Variants in NEK11 observed in about 807,000 individuals in gnomAD.
NEK11 encodes the protein serine/threonine-protein kinase Nek11.
Under a neutral mutation model 80.7 loss-of-function variants are expected in NEK11, and 72 were observed. The observed-to-expected ratio is 0.89, with a 90% confidence interval of 0.74 to 1.08. The LOEUF is 1.08. Among genes scored for constraint, NEK11 ranks in the 50% least tolerant of loss-of-function variants. The pLI is 0.00. For missense variants in NEK11, 764 were observed against 763.6 expected (o/e 1.00, Z -0.01); for synonymous variants, 251 against 260.7 (o/e 0.96, Z 0.36).
At chr3:131,108,976 T>C (rs1202987040) in intron 4 of NEK11, among the ~76,000 whole-genome samples, 1 of 152,102 alleles carries the variant, frequency 6.6e-6, no homozygotes, top group Non-Finnish European at 1.5e-5. Context: ...ATATCACTGA[T>C]TTGAATTTTA....
intron 17 of NEK11, among the ~76,000 whole-genome samples, chr3:131,286,665 T>G (rs150659461): frequency 1.4e-4 from 22 of 152,342 alleles, no homozygotes; most frequent in African/African-American, 5.3e-4. Flanking sequence ...TTTTGCCTAA[T>G]AGTTTTCAAA....
At chr3:131,349,216 C>A (rs2110601832) in intron 17 of NEK11, among the ~76,000 whole-genome samples, 1 of 152,192 alleles carries the variant, frequency 6.6e-6, no homozygotes, top group East Asian at 1.9e-4. Flanking sequence ...CATCTGATAT[C>A]TTATGTGTAT....
chr3:131,214,020 A>G (rs545601218), intron 14 of NEK11, among the ~76,000 whole-genome samples: 20 of 152,262 alleles, frequency 1.3e-4, no homozygotes, highest in South Asian at 8.3e-4. Context: ...AGGATACAAG[A>G]AGAGGACAGC....
chr3:131,346,077 A>G (rs924287780), intron 17 of NEK11, among the ~76,000 whole-genome samples: 2 of 152,176 alleles, frequency 1.3e-5, no homozygotes. Flanking sequence ...AAAGGATACA[A>G]AACAGTAGAT....
In NEK11 at chr3:131,228,518, A is replaced by T; in HGVS notation, c.1400-10A>T. 1 of 1,595,976 alleles carries T rather than the reference A, an allele frequency of 6.3e-7. No individual in the cohort carries two copies. Among genetic ancestry groups the T allele is most frequent in the Non-Finnish European group, 8.5e-7 (1 of 1,171,366 alleles). On this transcript the variant is annotated splice_polypyrimidine_tract_variant and intron_variant, in intron 14 of 17. Coordinates refer to ENST00000383366, the MANE Select transcript of NEK11 (RefSeq NM_024800.5). ...ACTGGTAGTATCTGACTGTTTGTTC[A>T]TTATTTCAGAGATCCCAGAAGACCC... is the stretch of plus-strand genomic sequence containing the variant.
intron 14 of NEK11, among the ~76,000 whole-genome samples, chr3:131,197,356 C>T (rs1360412145): frequency 6.6e-6 from 1 of 152,160 alleles, no homozygotes; most frequent in African/African-American, 2.4e-5. Context: ...CATGGGCTAG[C>T]AGGCCGGTCC....
At chr3:131,184,884 G>A (rs915242092) in intron 14 of NEK11, 1 of 317,112 alleles carries the variant, frequency 3.2e-6, no homozygotes, top group Non-Finnish European at 5.6e-6. Context: ...TTAAAAATAT[G>A]GTTTGTTCTT....
At chr3:131,080,254 A>C (rs2075047984) in intron 3 of NEK11, among the ~76,000 whole-genome samples, 169 bp from the exon 4 acceptor site, 1 of 152,172 alleles carries the variant, frequency 6.6e-6, no homozygotes, top group Admixed American at 6.6e-5. Context: ...GAAGCAGGAC[A>C]GGAAAACAGG....
At chr3:131,256,661 CA>C (rs2095821709) in intron 16 of NEK11, among the ~76,000 whole-genome samples, 1 of 152,092 alleles carries the variant, frequency 6.6e-6, no homozygotes, top group Admixed American at 6.6e-5. Flanking sequence ...TGCTGTAGGT[CA>C]TGAATTTAGG....
intron 5 of NEK11, among the ~76,000 whole-genome samples, chr3:131,113,423 G>T (rs1455444148): frequency 6.6e-6 from 1 of 152,090 alleles, no homozygotes; most frequent in Non-Finnish European, 1.5e-5. Flanking sequence ...TACAAATAGA[G>T]TTTTAGGAGG....
intron 4 of NEK11, among the ~76,000 whole-genome samples, chr3:131,108,055 C>G (rs929034895): frequency 6.6e-6 from 1 of 152,088 alleles, no homozygotes; most frequent in Admixed American, 6.6e-5. Context: ...TTGAATTCCA[C>G]CAAGCTTTGG....
At chr3:131,343,090 G>C (rs1460654523) in intron 17 of NEK11, among the ~76,000 whole-genome samples, 18 of 152,052 alleles carry the variant, frequency 1.2e-4, no homozygotes, top group Admixed American at 1.2e-3. Flanking sequence ...CTTTCAAGAA[G>C]TTTTGTTGGG....
intron 14 of NEK11, among the ~76,000 whole-genome samples, chr3:131,208,936 C>G (rs2094526015): frequency 6.6e-6 from 1 of 152,172 alleles, no homozygotes; most frequent in African/African-American, 2.4e-5. Flanking sequence ...TTCCTCTTTT[C>G]CTAATTGAAT....
chr3:131,333,051 T>A, intron 17 of NEK11, among the ~76,000 whole-genome samples: 1 of 152,170 alleles, frequency 6.6e-6, no homozygotes, highest in African/African-American at 2.4e-5. Flanking sequence ...CTGCAGGATA[T>A]TATCCAAGAG....
At chr3:131,135,740 T>C (rs894077081) in intron 7 of NEK11, among the ~76,000 whole-genome samples, 11 of 152,134 alleles carry the variant, frequency 7.2e-5, no homozygotes, top group African/African-American at 2.7e-4. Context: ...TTATATGGTA[T>C]CTCAAGAAGA....
intron 5 of NEK11, 40 bp downstream of exon 5, chr3:131,109,961 A>G (rs779126430): frequency 1.3e-6 from 2 of 1,555,590 alleles, no homozygotes; most frequent in East Asian, 2.4e-5. Flanking sequence ...ATATATTTTT[A>G]ACAGTCATGT....
chr3:131,053,003 T>G (rs2068698546), intron 3 of NEK11, among the ~76,000 whole-genome samples: 1 of 152,122 alleles, frequency 6.6e-6, no homozygotes, highest in South Asian at 2.1e-4. Context: ...ACTACTGAAC[T>G]CCTCTTTCCC....
At chr3:131,116,007 A>G (rs1364789540) in intron 5 of NEK11, among the ~76,000 whole-genome samples, 1 of 107,302 alleles carries the variant, frequency 9.3e-6, no homozygotes, top group African/African-American at 3.6e-5. Context: ...TTTAAGTTCT[A>G]GGATACATGT....
intron 14 of NEK11, among the ~76,000 whole-genome samples, chr3:131,211,914 C>T (rs1442600253): frequency 6.6e-6 from 1 of 152,134 alleles, no homozygotes; most frequent in Admixed American, 6.5e-5. Flanking sequence ...CGAACATCCT[C>T]CTTTAGCTTG....
Sources: gnomAD v4.1 joint callset for allele counts (sites outside exome capture counted in the v4.1 genomes callset) on GRCh38, gnomAD v4.1.1 for gene constraint, MANE v1.5 for transcripts, NCBI Gene and HGNC (gene_info 2026-07-23, HGNC 2026-07-21) for gene names.